SUPT3H: variants seen among roughly 807,000 people sequenced by gnomAD.
The protein encoded by SUPT3H is SPT3 homolog, SAGA and STAGA complex component.
A neutral mutation model predicts 44.3 loss-of-function variants in SUPT3H; 44 were observed. The ratio of observed to expected loss-of-function variants is 0.99; its 90% CI spans 0.78 to 1.28. The LOEUF is 1.28. Ranked by LOEUF, SUPT3H falls within the 50% of genes most tolerant of loss-of-function variation. The pLI is 0.00. For synonymous variants in SUPT3H, 124 were observed against 125.6 expected (o/e 0.99, Z 0.09); for missense variants, 380 against 387.1 (o/e 0.98, Z 0.15).
chr6:44,833,534 A>G (rs1369607211), intron 10 of SUPT3H, among the ~76,000 whole-genome samples: 1 of 152,154 alleles, frequency 6.6e-6, no homozygotes, highest in Non-Finnish European at 1.5e-5. Flanking sequence ...TAATCACAAT[A>G]TTTAATTTGA....
chr6:44,954,617 T>C lies in SUPT3H; in HGVS notation c.581-10A>G, dbSNP rs1554184545. ...TTGGAAGCTTTTTTGGCTGGCCATT[T>C]AAAAAAAACAAGTGCAGAAATTTTA... On this transcript the variant is annotated splice_polypyrimidine_tract_variant and intron_variant, in intron 7 of 10. Coordinates refer to ENST00000371459, the MANE Select transcript of SUPT3H (RefSeq NM_003599.4). 3.8e-6 allele frequency: 6 copies of C among 1,568,044 alleles called. No homozygotes were observed. The Admixed American group carries it at 5.1e-5, about 13-fold the overall frequency.
At chr6:44,857,869 G>A (rs1328916935) in intron 10 of SUPT3H, among the ~76,000 whole-genome samples, 1 of 152,148 alleles carries the variant, frequency 6.6e-6, no homozygotes, top group African/African-American at 2.4e-5. Flanking sequence ...GATATATGGG[G>A]TAATAAGTGC....
At chr6:44,979,969 C>T (rs1056091789) in intron 6 of SUPT3H, among the ~76,000 whole-genome samples, 2 of 152,150 alleles carry the variant, frequency 1.3e-5, no homozygotes, top group African/African-American at 4.8e-5. Flanking sequence ...GGGGCTCATT[C>T]ACGTTTTATT....
intron 2 of SUPT3H, among the ~76,000 whole-genome samples, chr6:45,324,784 C>G (rs899097000): frequency 2.0e-5 from 3 of 151,952 alleles, no homozygotes; most frequent in African/African-American, 7.2e-5. Context: ...TTTACCTGAT[C>G]TAATTAAAAT....
intron 3 of SUPT3H, among the ~76,000 whole-genome samples, chr6:45,071,084 T>G (rs986210212): frequency 6.6e-6 from 1 of 152,178 alleles, no homozygotes; most frequent in African/African-American, 2.4e-5. Flanking sequence ...TTTACCTTTT[T>G]TGGAGAATGT....
In SUPT3H at chr6:45,165,425, T is replaced by C. The variant is rs74695922; in HGVS notation, c.102-59419A>G. Among the ~76,000 whole-genome samples the C allele has an allele frequency of 2.9e-3, 443 of 152,338 alleles. 2 individuals carry two copies. Among genetic ancestry groups the C allele is most frequent in the African/African-American group, 0.01 (430 of 41,578 alleles). ...AAACACTCTTTAGCACAATCTATAC[T>C]GTTCATTTAAAAGCATTATCCAGCA... On this transcript the variant is annotated intron_variant, in intron 2 of 10. Transcript: ENST00000371459.
At chr6:44,904,093 C>T (rs12197442) in intron 10 of SUPT3H, among the ~76,000 whole-genome samples, 60,589 of 151,980 alleles carry the variant, frequency 0.4, 12,948 homozygotes, top group Non-Finnish European at 0.48. Flanking sequence ...GGGCAAAAAC[C>T]GGAAGCATTC....
At chr6:45,235,759 T>C (rs934905944) in intron 2 of SUPT3H, among the ~76,000 whole-genome samples, 2 of 152,118 alleles carry the variant, frequency 1.3e-5, no homozygotes, top group African/African-American at 2.4e-5. Flanking sequence ...AATCTGGCCA[T>C]AAGCTGACCT....
chr6:45,140,644 T>C (rs1805026177), intron 2 of SUPT3H, among the ~76,000 whole-genome samples: 1 of 151,906 alleles, frequency 6.6e-6, no homozygotes. Context: ...TCTCACATAG[T>C]GTAAATCACT....
At chr6:44,847,238 C>A (rs1667000684) in intron 10 of SUPT3H, among the ~76,000 whole-genome samples, 3 of 152,090 alleles carry the variant, frequency 2.0e-5, no homozygotes, top group African/African-American at 7.2e-5. Context: ...TTTTGTTAGG[C>A]ATAGAAATGA....
chr6:45,030,401 T>C (rs1786728601), intron 3 of SUPT3H, among the ~76,000 whole-genome samples: 1 of 152,206 alleles, frequency 6.6e-6, no homozygotes. Flanking sequence ...TTCCCTTCTG[T>C]TCACATTTGT....
At chr6:44,948,895 A>G (rs1480735146) in intron 9 of SUPT3H, among the ~76,000 whole-genome samples, 2 of 152,226 alleles carry the variant, frequency 1.3e-5, no homozygotes, top group South Asian at 4.1e-4. Flanking sequence ...TACTGGCTAT[A>G]TACCCAAAGG....
intron 2 of SUPT3H, among the ~76,000 whole-genome samples, chr6:45,216,814 T>C (rs916153591): frequency 3.3e-5 from 5 of 152,138 alleles, no homozygotes; most frequent in African/African-American, 1.2e-4. Context: ...AAAATTATTA[T>C]ACCTAACGAG....
At chr6:45,131,622 C>T (rs1412415977) in intron 2 of SUPT3H, among the ~76,000 whole-genome samples, 1 of 152,144 alleles carries the variant, frequency 6.6e-6, no homozygotes, top group Non-Finnish European at 1.5e-5. Context: ...CTCTACCTTG[C>T]ATCACATATA....
chr6:44,937,619 A>G (rs780291125), intron 9 of SUPT3H, among the ~76,000 whole-genome samples: 3 of 152,092 alleles, frequency 2.0e-5, no homozygotes, highest in Non-Finnish European at 2.9e-5. Context: ...AATAATAGCC[A>G]TTCTGATTGG....
intron 2 of SUPT3H, among the ~76,000 whole-genome samples, chr6:45,171,110 T>C (rs1397179960): frequency 6.6e-6 from 1 of 152,220 alleles, no homozygotes; most frequent in Non-Finnish European, 1.5e-5. Context: ...GTTATAAGCA[T>C]GTTAGCTACT....
chr6:45,227,333 A>G (rs966520159), intron 2 of SUPT3H, among the ~76,000 whole-genome samples: 7 of 152,146 alleles, frequency 4.6e-5, no homozygotes, highest in Admixed American at 4.6e-4. Context: ...TTTCAACATT[A>G]GTAATATGTT....
At chr6:44,998,341 T>C (rs917862010) in intron 6 of SUPT3H, among the ~76,000 whole-genome samples, 3 of 151,950 alleles carry the variant, frequency 2.0e-5, no homozygotes, top group Admixed American at 6.6e-5. Flanking sequence ...TGAGTAAAAA[T>C]TACACATTTA....
At chr6:45,099,272 A>G (rs1459877879) in intron 3 of SUPT3H, 1 of 162,012 alleles carries the variant, frequency 6.2e-6, no homozygotes, top group Non-Finnish European at 1.4e-5. Flanking sequence ...CTAGCACACT[A>G]TCAACACTCT....
Sources: gnomAD v4.1 joint callset for allele counts (sites outside exome capture counted in the v4.1 genomes callset) on GRCh38, gnomAD v4.1.1 for gene constraint, MANE v1.5 for transcripts, NCBI Gene and HGNC (gene_info 2026-07-23, HGNC 2026-07-21) for gene names.